Variants in ENKUR observed in about 807,000 individuals in gnomAD.
The protein encoded by ENKUR is enkurin.
ENKUR carries 19 observed loss-of-function variants against 27.6 expected under a neutral mutation model. That is an observed-to-expected ratio of 0.69 (90% CI 0.48 to 1.01). ENKUR has a LOEUF of 1.01. Among genes scored for constraint, ENKUR ranks in the 50% least tolerant of loss-of-function variants. The probability of loss-of-function intolerance (pLI) is 0.00; values close to 1 mark genes in which losing one functional copy is unlikely to be tolerated. For synonymous variants in ENKUR, 117 were observed against 96.9 expected, an observed-to-expected ratio of 1.21 and a Z score of -1.22; for missense variants, 312 against 310.5, an observed-to-expected ratio of 1.00 and a Z score of -0.04.
intron 2 of ENKUR, among the ~76,000 whole-genome samples, chr10:25,059,192 G>A (rs555850307): frequency 6.7e-6 from 1 of 149,016 alleles, no homozygotes; most frequent in Non-Finnish European, 1.5e-5. Flanking sequence ...GAGTGCAATG[G>A]CGCAATCTCT....
intron 2 of ENKUR, chr10:25,025,114 A>C: frequency 6.2e-7 from 1 of 1,614,192 alleles, no homozygotes; most frequent in Non-Finnish European, 8.5e-7. Context: ...TATTAACTCC[A>C]CCTATAATAC....
chr10:25,040,570 C>A (rs1458460710), intron 2 of ENKUR, among the ~76,000 whole-genome samples: 1 of 152,078 alleles, frequency 6.6e-6, no homozygotes, highest in East Asian at 1.9e-4. Context: ...AACGGTTTCA[C>A]CGTGTTAGCC....
At chr10:25,035,856 G>T (rs781664020) in intron 2 of ENKUR, among the ~76,000 whole-genome samples, 6 of 152,160 alleles carry the variant, frequency 3.9e-5, no homozygotes, top group Admixed American at 6.6e-5. Context: ...TCTGGACAGC[G>T]TTGAACATAC....
chr10:25,027,067 T>C (rs1352345717), intron 2 of ENKUR, among the ~76,000 whole-genome samples: 1 of 152,056 alleles, frequency 6.6e-6, no homozygotes, highest in African/African-American at 2.4e-5. Flanking sequence ...TAAGAATGCA[T>C]TATTTTGCTT....
chr10:25,010,839 T>C (rs1170694341), intron 1 of ENKUR, among the ~76,000 whole-genome samples: 2 of 151,388 alleles, frequency 1.3e-5, no homozygotes, highest in Non-Finnish European at 2.9e-5. Flanking sequence ...TAGTCCAGTC[T>C]ATCATTGTTG....
intron 2 of ENKUR, among the ~76,000 whole-genome samples, chr10:25,032,764 C>A (rs1850951386): frequency 6.6e-6 from 1 of 152,168 alleles, no homozygotes. Flanking sequence ...CTGCTGGTCT[C>A]TTCCCCTGCT....
chr10:24,986,780 A>G (rs1161558120), intron 4 of ENKUR, among the ~76,000 whole-genome samples: 1 of 152,224 alleles, frequency 6.6e-6, no homozygotes, highest in Admixed American at 6.5e-5. Context: ...ATTTCATATT[A>G]TATTGAAATA....
At chr10:24,985,260 G>A (rs552727001) in intron 4 of ENKUR, among the ~76,000 whole-genome samples, 16 of 152,186 alleles carry the variant, frequency 1.1e-4, no homozygotes, top group Admixed American at 5.2e-4. Flanking sequence ...TGATATCCTC[G>A]AGTCAAAAAC....
Position 25,025,394 on chromosome 10 carries a change from C to T in ENKUR, c.38-29525G>A, listed in dbSNP as rs200181873. The T allele has an allele frequency of 4.2e-5, 68 of 1,614,166 alleles. No individual in the cohort carries two copies. In the Middle Eastern group the frequency reaches 4.9e-4, roughly 12 times the overall value. On this transcript the variant is annotated intron_variant, in intron 2 of 5. Coordinates refer to the ENKUR transcript ENST00000615958. Reference sequence around the variant, plus strand: ...GAGAAGATGGAGTACCAGGTCTGTGCAGCTGATATGAATGTCTTGAAGAGT... The same window carrying T: ...GAGAAGATGGAGTACCAGGTCTGTGTAGCTGATATGAATGTCTTGAAGAGT...
chr10:25,009,566 C>T (rs1486304600), intron 1 of ENKUR, among the ~76,000 whole-genome samples: 2 of 152,136 alleles, frequency 1.3e-5, no homozygotes, highest in Non-Finnish European at 2.9e-5. Flanking sequence ...AAAAGTATTG[C>T]TATCAGCCTA....
In ENKUR at chr10:25,035,485, G is replaced by A. The variant is rs143320591; in HGVS notation, c.37+25627C>T. ...CAGGAGAATCGCTTGAATCCAGGAGGTGGAGGTTGCAGTGAGCTGAGATTG... is the reference window on the plus strand; with the variant it reads ...CAGGAGAATCGCTTGAATCCAGGAGATGGAGGTTGCAGTGAGCTGAGATTG... On this transcript the variant is annotated intron_variant, in intron 2 of 5. Transcript: ENST00000615958. Among the ~76,000 whole-genome samples the A allele has an allele frequency of 3.2e-3, 489 of 152,140 alleles. 17 individuals are homozygous for A. The East Asian group carries it at 0.075, about 23-fold the overall frequency.
chr10:24,995,056 A>G (rs559148754), intron 3 of ENKUR, among the ~76,000 whole-genome samples: 3 of 152,328 alleles, frequency 2.0e-5, no homozygotes, highest in South Asian at 4.1e-4. Context: ...ATGTTCACCA[A>G]TGAAATTACA....
chr10:25,017,150 G>A (rs1257677877), upstream of ENKUR, among the ~76,000 whole-genome samples: 2 of 152,236 alleles, frequency 1.3e-5, no homozygotes, highest in Non-Finnish European at 1.5e-5. Context: ...CTTTGTAAAT[G>A]AGCAGCCTAA....
rs761576069 is a variant in ENKUR, at chr10:24,990,553, G to C, written c.504C>G (p.Ala168=). ...ICKRNEEIKK[A]QEDYDRYIQE... ...GGATATAACGATCATAGTCTTCTTG[G>C]GCTTTCTTTATTTCCTCGTTTCGCT... The change falls in exon 4 of 6, where the codon GCC becomes GCG. Residue 168 remains alanine (A), a synonymous_variant. Coordinates refer to ENST00000331161, the MANE Select transcript of ENKUR (RefSeq NM_145010.4). 2 of 1,613,600 alleles carry C rather than the reference G, an allele frequency of 1.2e-6. No individual in the cohort carries two copies. Among genetic ancestry groups the C allele is most frequent in the East Asian group, 2.2e-5 (1 of 44,848 alleles).
At position 25,015,926 on chromosome 10, in the gene ENKUR, G is replaced by A. The variant is rs746136632; in HGVS notation, c.11C>T (p.Thr4Met). The A allele has an allele frequency of 1.2e-6, 2 of 1,607,476 alleles. No individual in the cohort carries two copies. Among genetic ancestry groups the A allele is most frequent in the Admixed American group, 3.4e-5 (2 of 59,192 alleles). Residue 4 changes from threonine (T) to methionine (M), a missense_variant, in exon 1 of 6, where the codon ACG becomes ATG. By Grantham distance (81) the Thr-to-Met change is moderately conservative (BLOSUM62 -1). Transcript: ENST00000331161. The part of the protein sequence containing the change: MDP[T>M]CSSECIYNLI... ...GTTATAAATGCACTCAGAAGAGCAC[G>A]TTGGATCCATGGCCACCAAATGACT...
chr10:25,017,128 A>G (rs1310600332), upstream of ENKUR, among the ~76,000 whole-genome samples: 5 of 152,362 alleles, frequency 3.3e-5, no homozygotes, highest in East Asian at 9.7e-4. Flanking sequence ...TCCAGGAACC[A>G]GTGGACCTGC....
chr10:24,995,964 G>T, intron 2 of ENKUR, 95 bp from the exon 3 acceptor site: 1 of 971,290 alleles, frequency 1.0e-6, no homozygotes, highest in Non-Finnish European at 1.5e-6. Flanking sequence ...CTTGTATATT[G>T]AAGTTGCAGT....
intron 2 of ENKUR, among the ~76,000 whole-genome samples, chr10:25,053,823 G>C (rs1216917503): frequency 6.6e-6 from 1 of 151,890 alleles, no homozygotes; most frequent in Non-Finnish European, 1.5e-5. Flanking sequence ...AAATATTTAA[G>C]ACACATGAAA....
chr10:24,993,581 C>T (rs1055413224), intron 3 of ENKUR, among the ~76,000 whole-genome samples: 24 of 152,282 alleles, frequency 1.6e-4, no homozygotes, highest in Admixed American at 1.4e-3. Context: ...AAAAATATGA[C>T]ATTGACTTTA....
Sources: gnomAD v4.1 joint callset for allele counts (sites outside exome capture counted in the v4.1 genomes callset) on GRCh38, gnomAD v4.1.1 for gene constraint, MANE v1.5 for transcripts, NCBI Gene and HGNC (gene_info 2026-07-23, HGNC 2026-07-21) for gene names.